SPRY3: variants seen among roughly 807,000 people sequenced by gnomAD.
SPRY3 encodes sprouty RTK signaling antagonist 3.
In SPRY3, 15 loss-of-function variants were observed where a neutral mutation model predicts 20.2. That is an observed-to-expected ratio of 0.74 (90% CI 0.50 to 1.14). The LOEUF is 1.14. SPRY3 is among the 50% of genes most tolerant of loss of function. The pLI is 0.00. For synonymous variants in SPRY3, 143 were observed against 136.5 expected (o/e 1.05, Z -0.33); for missense variants, 364 against 363.9 (o/e 1.00, Z 0.00).
chrX:155,691,392 C>T (rs911982090), intron 2 of SPRY3, among the ~76,000 whole-genome samples: 1 of 87,958 alleles, frequency 1.1e-5, no homozygotes, highest in Non-Finnish European at 2.1e-5. Flanking sequence ...CATTCCTACA[C>T]GTGATGTTAA....
At chrX:155,765,533 C>T (rs1021546979) in intron 2 of SPRY3, among the ~76,000 whole-genome samples, 13 of 152,148 alleles carry the variant, frequency 8.5e-5, no homozygotes, top group Admixed American at 2.6e-4. Context: ...ATTCCAGGAG[C>T]GCAGGAAATC....
intron 2 of SPRY3, among the ~76,000 whole-genome samples, chrX:155,690,664 C>T (rs1467968308): frequency 1.2e-5 from 1 of 86,928 alleles, no homozygotes; most frequent in Non-Finnish European, 2.1e-5. Flanking sequence ...ATATATTCAC[C>T]CAATACAGGA....
At position 155,660,470 on chromosome X, in the gene SPRY3, T is replaced by G. The variant is rs782345738; in HGVS notation, c.-282+3445T>G. The stretch of plus-strand genomic sequence containing the variant: ...GGTCTATTTGGGAGAAAGTTCTAGA[T>G]GTAGATGAGAAGAATGTATATACTG... On this transcript the variant is annotated intron_variant, in intron 2 of 3. Transcript: ENST00000675360. Among the ~76,000 whole-genome samples the G allele has an allele frequency of 3.6e-5, 4 of 111,994 alleles. No homozygotes were observed. In the South Asian group the frequency reaches 1.1e-3, roughly 31 times the overall value.
At chrX:155,622,575 G>A (rs782417336) in intron 1 of SPRY3, among the ~76,000 whole-genome samples, 2 of 112,133 alleles carry the variant, frequency 1.8e-5, no homozygotes, top group Non-Finnish European at 3.8e-5. Flanking sequence ...ACTACAGGCT[G>A]AAAATGCTGC....
rs1169726499 is a variant in SPRY3, at chrX:155,703,730, C to G, written c.-282+46705C>G. On this transcript the variant is annotated intron_variant, in intron 2 of 3. Transcript: ENST00000675360. ...GTTAGGGTGTCAATTTTGGATCTTT[C>G]CTGCTTTCTCTTGTAGGCATTTAGT... is the stretch of plus-strand genomic sequence containing the variant. Among the ~76,000 whole-genome samples, 5 of 150,544 alleles carry G rather than the reference C, an allele frequency of 3.3e-5. No homozygotes were observed. The East Asian group carries it at 9.9e-4, about 30-fold the overall frequency.
chrX:155,725,653 A>G (rs888651535), intron 2 of SPRY3, among the ~76,000 whole-genome samples: 2 of 152,040 alleles, frequency 1.3e-5, no homozygotes, highest in African/African-American at 2.4e-5. Context: ...TTTCTGTGGG[A>G]TGGGTGGTGA....
chrX:155,646,335 G>A (rs1297933415), intron 1 of SPRY3, among the ~76,000 whole-genome samples: 1 of 111,997 alleles, frequency 8.9e-6, no homozygotes, highest in Non-Finnish European at 1.9e-5. Flanking sequence ...AAATGTTATT[G>A]TGATTTTTAT....
chrX:155,773,309 T>TATAC (rs2091394084), intron 3 of SPRY3, among the ~76,000 whole-genome samples: 1 of 134,138 alleles, frequency 7.5e-6, no homozygotes, highest in African/African-American at 2.8e-5. Flanking sequence ...TTTGATTGGA[T>TATAC]ATATATATAT....
At chrX:155,742,502 A>G (rs1027108497) in intron 2 of SPRY3, among the ~76,000 whole-genome samples, 4 of 152,224 alleles carry the variant, frequency 2.6e-5, no homozygotes, top group Non-Finnish European at 4.4e-5. Flanking sequence ...CCTGACAGAT[A>G]TCTACTGAAC....
chrX:155,769,936 T>C (rs956736027), intron 3 of SPRY3, among the ~76,000 whole-genome samples: 7 of 152,206 alleles, frequency 4.6e-5, no homozygotes, highest in African/African-American at 1.7e-4. Flanking sequence ...AAATGCTTTT[T>C]GCACAGAGAG....
At chrX:155,650,887 A>G (rs1003285582) in intron 1 of SPRY3, among the ~76,000 whole-genome samples, 1 of 112,033 alleles carries the variant, frequency 8.9e-6, no homozygotes, top group African/African-American at 3.2e-5. Flanking sequence ...GAATTCTTCA[A>G]TAGCATCATT....
intron 2 of SPRY3, among the ~76,000 whole-genome samples, chrX:155,699,497 T>A (rs2068129247): frequency 9.0e-6 from 1 of 111,488 alleles, no homozygotes; most frequent in South Asian, 3.8e-4. Flanking sequence ...GAAAGCGTTC[T>A]AGAAGTGTAT....
At chrX:155,720,197 G>A (rs752006729) in intron 2 of SPRY3, among the ~76,000 whole-genome samples, 1 of 152,304 alleles carries the variant, frequency 6.6e-6, no homozygotes, top group East Asian at 1.9e-4. Flanking sequence ...TGGCCACAGG[G>A]TGGGGCTCCT....
rs782118989 is a variant in SPRY3 at position 155,664,783 on chromosome X, C to CGT, written c.-282+7771_-282+7772dup. Among the ~76,000 whole-genome samples the CGT allele has an allele frequency of 4.3e-4, 46 of 107,101 alleles. 1 individual carries two copies. The highest frequency in any genetic ancestry group is 8.4e-4 in the African/African-American group (25 of 29,723). The allele number at this position is 107,101 out of a possible 115,157, so 93.0% of individuals were successfully genotyped here. A position where few individuals can be genotyped will look rare whatever the true frequency, so the allele number is the denominator to read the frequency against. ...GTAGAATACATATGTTTGTGGGGTG[C>CGT]GTGTGTGTGTGTGTTTGTGTATTAG... is the stretch of plus-strand genomic sequence containing the variant. On this transcript the variant is annotated intron_variant, in intron 2 of 3. Transcript: ENST00000675360.
At chrX:155,679,630 C>G (rs1437556286) in intron 2 of SPRY3, among the ~76,000 whole-genome samples, 1 of 111,787 alleles carries the variant, frequency 8.9e-6, no homozygotes, top group Admixed American at 9.5e-5. Context: ...CACATGCATT[C>G]AAACCATAGC....
At chrX:155,753,448 T>C (rs1348989281) in intron 2 of SPRY3, among the ~76,000 whole-genome samples, 1 of 151,970 alleles carries the variant, frequency 6.6e-6, no homozygotes, top group Admixed American at 6.6e-5. Context: ...GTCTAGAAAA[T>C]ATTCCATTGT....
chrX:155,707,515 A>G (rs753496166), intron 2 of SPRY3, among the ~76,000 whole-genome samples: 9 of 151,370 alleles, frequency 5.9e-5, no homozygotes, highest in South Asian at 2.1e-4. Flanking sequence ...TTTTCTCTTC[A>G]TCTTTACTAA....
At chrX:155,686,683 C>G (rs2068088859) in intron 2 of SPRY3, among the ~76,000 whole-genome samples, 1 of 111,292 alleles carries the variant, frequency 9.0e-6, no homozygotes, top group Non-Finnish European at 1.9e-5. Context: ...CCAAAACTGC[C>G]CCTTCCATAA....
intron 1 of SPRY3, among the ~76,000 whole-genome samples, chrX:155,620,161 CTTAG>C (rs1437196463): frequency 9.9e-5 from 11 of 111,468 alleles, no homozygotes; most frequent in South Asian, 3.8e-4. Flanking sequence ...TTATAAGATT[CTTAG>C]TTAAACACAC....
Sources: allele counts gnomAD v4.1 joint callset (sites outside exome capture counted in the v4.1 genomes callset), GRCh38; gene constraint gnomAD v4.1.1; transcripts MANE v1.5; gene names NCBI Gene and HGNC (gene_info 2026-07-23, HGNC 2026-07-21).